The following KIF13A variants were observed in gnomAD, a reference collection of about 807,000 sequenced individuals.
KIF13A encodes the protein kinesin-like protein KIF13A.
Under a neutral mutation model 212.2 loss-of-function variants are expected in KIF13A, and 79 were observed. That is an observed-to-expected ratio of 0.37 (90% confidence interval 0.31 to 0.45). KIF13A has a LOEUF of 0.45. Among genes scored for constraint, KIF13A ranks in the 20% least tolerant of loss-of-function variants. The pLI is 1.00. For synonymous variants in KIF13A, 789 were observed against 808.6 expected (o/e 0.98, Z 0.41); for missense variants, 1,901 against 2,209.0 (o/e 0.86, Z 2.79).
At chr6:17,822,027 G>T in intron 16 of KIF13A, 3 of 984,714 alleles carry the variant, frequency 3.0e-6, no homozygotes, top group Non-Finnish European at 4.3e-6. Flanking sequence ...GGATGGGGTA[G>T]GGGGAAACAT....
At chr6:17,905,826 A>C (rs562023639) in intron 2 of KIF13A, among the ~76,000 whole-genome samples, 5 of 152,342 alleles carry the variant, frequency 3.3e-5, no homozygotes, top group African/African-American at 1.2e-4. Context: ...CAGTTAGACT[A>C]CAGTTAGCAG....
intron 3 of KIF13A, among the ~76,000 whole-genome samples, chr6:17,879,415 T>A (rs910229281): frequency 7.2e-5 from 11 of 152,316 alleles, no homozygotes; most frequent in African/African-American, 2.6e-4. Flanking sequence ...TAAGAACTAT[T>A]ATGAGTAAGC....
At chr6:17,932,780 G>T (rs1196762701) in intron 2 of KIF13A, among the ~76,000 whole-genome samples, 1 of 149,462 alleles carries the variant, frequency 6.7e-6, no homozygotes, top group East Asian at 2.0e-4. Flanking sequence ...TTGAAGCGAG[G>T]AGGAAGTCTG....
chr6:17,800,700 A>G (rs1173552284), intron 20 of KIF13A, among the ~76,000 whole-genome samples: 1 of 151,480 alleles, frequency 6.6e-6, no homozygotes, highest in African/African-American at 2.4e-5. Flanking sequence ...TCCTGGGTTC[A>G]AGCGGTTCTT....
At position 17,804,406 on chromosome 6, in the gene KIF13A, A is replaced by T; in HGVS notation, c.2409T>A (p.Asp803Glu). The change falls in exon 20 of 39, where the codon GAT becomes GAA. Residue 803 changes from aspartate to glutamate, a missense_variant. By Grantham distance (45) the Asp-to-Glu change is conservative. Around this residue, in one of 5 missense-constraint regions of KIF13A, gnomAD observed 534 missense variants for 536.9 expected, o/e 0.99. Transcript: ENST00000259711. ...ANVFLECLFCDVKLQYAVPII... is the reference protein window; with the variant it reads ...ANVFLECLFCEVKLQYAVPII... ...TAGGGACTGCATACTGAAGTTTCAC[A>T]TCACAGAAGAGGCATTCCAAGAATA... 1.3e-6 allele frequency: 2 copies of T among 1,556,394 alleles called. No individual in the cohort carries two copies. The highest frequency in any genetic ancestry group is 1.7e-6 in the Non-Finnish European group (2 of 1,149,236).
intron 2 of KIF13A, among the ~76,000 whole-genome samples, chr6:17,983,189 AG>A (rs1200669446): frequency 1.5e-3 from 232 of 151,080 alleles, no homozygotes; most frequent in Non-Finnish European, 1.9e-3. Context: ...AAAAAAAAAA[AG>A]AAAGCTACCA....
Position 17,810,999 on chromosome 6 carries a change from A to G in KIF13A, c.2001-2069T>C, listed in dbSNP as rs190103207. ...TCTGGGGATTGGGGACCCCTGTTCT[A>G]GACTACACGAAACAGTTCTTTTGCA... On this transcript the variant is annotated intron_variant, in intron 17 of 38. Coordinates refer to ENST00000259711, the MANE Select transcript of KIF13A (RefSeq NM_022113.6). Among the ~76,000 whole-genome samples, 7 of 152,320 alleles carry G rather than the reference A, an allele frequency of 4.6e-5. No homozygotes were observed. In the East Asian group the frequency reaches 1.3e-3, roughly 29 times the overall value.
chr6:17,822,026 AG>A lies in KIF13A; in HGVS notation c.1786+3741del, dbSNP rs1435264080. ...ACTGGAACTGGGTAAAGGATGGGGT[AG>A]GGGGAAACATAACTTCTTTTTTTTT... On this transcript the variant is annotated intron_variant, in intron 16 of 38. Transcript: ENST00000259711. The A allele has an allele frequency of 8.2e-5, 66 of 804,926 alleles. 1 individual carries two copies. The South Asian group carries it at 1.1e-3, about 13-fold the overall frequency. 49.9% of individuals were successfully genotyped at this position (804,926 alleles called of 1,614,324 possible).
chr6:17,936,005 G>GA (rs1466908152), intron 2 of KIF13A, among the ~76,000 whole-genome samples: 1 of 152,026 alleles, frequency 6.6e-6, no homozygotes, highest in East Asian at 1.9e-4. Context: ...CTGCTAATGA[G>GA]AAAAAAGCCC....
intron 2 of KIF13A, among the ~76,000 whole-genome samples, chr6:17,986,761 T>A (rs1561842042): frequency 6.6e-6 from 1 of 152,238 alleles, no homozygotes. Flanking sequence ...GCTGGACGAA[T>A]CACCTATGGG....
Position 17,913,652 on chromosome 6 carries a change from A to C in KIF13A, c.147-15472T>G, listed in dbSNP as rs976846064. On this transcript the variant is annotated intron_variant, in intron 2 of 38. Transcript: ENST00000259711. ...TGCATAAGGAGGGGATGGTGAACTC[A>C]GCTGAGCCCTGGAAGTTGCAGGGTG... Among the ~76,000 whole-genome samples, 4 of 152,168 alleles carry C rather than the reference A, an allele frequency of 2.6e-5. No homozygotes were observed. In the South Asian group the frequency reaches 8.3e-4, roughly 31 times the overall value.
chr6:17,965,909 T>C (rs1461918754), intron 2 of KIF13A, among the ~76,000 whole-genome samples: 2 of 152,154 alleles, frequency 1.3e-5, no homozygotes, highest in Admixed American at 1.3e-4. Context: ...GGCGTGGTGG[T>C]TCACGCCTGT....
chr6:17,799,503 C>T lies in KIF13A; in HGVS notation c.2617-64G>A, dbSNP rs1221922257. On this transcript the variant is annotated intron_variant, in intron 21 of 38. Transcript: ENST00000259711. The surrounding 1 kb of genome is among the most constrained non-coding windows in gnomAD (Gnocchi z 4.4). ...ACTAAACATTCTTTCATTTCAGCTA[C>T]CTCAAATTTAAGAGTAAGCGATGAA... 1.4e-5 allele frequency: 19 copies of T among 1,319,616 alleles called. No homozygotes were observed. Among genetic ancestry groups the T allele is most frequent in the Non-Finnish European group, 1.8e-5 (18 of 982,284 alleles). 81.7% of individuals were successfully genotyped at this position (1,319,616 alleles called of 1,614,324 possible).
intron 2 of KIF13A, among the ~76,000 whole-genome samples, chr6:17,962,573 A>G (rs1161018455): frequency 6.6e-6 from 1 of 152,078 alleles, no homozygotes; most frequent in Non-Finnish European, 1.5e-5. Context: ...GGCAGGACAC[A>G]ACCATCTGTA....
chr6:17,763,905 C>T lies in KIF13A; in HGVS notation c.*205G>A. On this transcript the variant is annotated 3_prime_UTR_variant, in exon 39 of 39. Coordinates refer to ENST00000259711, the MANE Select transcript of KIF13A (RefSeq NM_022113.6). ...CTTCATTCAACACCAACCCATGTGCCAGGTAAAAAAATCCACTGGTCTTAT... is the reference window on the plus strand; with the variant it reads ...CTTCATTCAACACCAACCCATGTGCTAGGTAAAAAAATCCACTGGTCTTAT... 1 of 1,419,034 alleles carries T rather than the reference C, an allele frequency of 7.0e-7. No homozygotes were observed. The highest frequency in any genetic ancestry group is 1.6e-5 in the South Asian group (1 of 64,368). 87.9% of individuals were successfully genotyped at this position (1,419,034 alleles called of 1,614,324 possible).
chr6:17,841,529 C>T (rs986008871), intron 9 of KIF13A, among the ~76,000 whole-genome samples: 3 of 152,128 alleles, frequency 2.0e-5, no homozygotes, highest in Non-Finnish European at 4.4e-5. Flanking sequence ...TTTTTCTCCC[C>T]TACATCAGTA....
rs1581916614 is a variant in KIF13A at position 17,785,910 on chromosome 6, C to G, written c.3362-269G>C. ...AAAGCCTGGGCAACAGACAAGAGAC[C>G]CTGTCTCAAAAAACAAGCAAACAAA... On this transcript the variant is annotated intron_variant, in intron 27 of 38. Coordinates refer to ENST00000259711, the MANE Select transcript of KIF13A (RefSeq NM_022113.6). The surrounding 1 kb of genome is among the most constrained non-coding windows in gnomAD (Gnocchi z 5.8). 6.6e-6 allele frequency among the ~76,000 whole-genome samples: 1 copy of G among 152,032 alleles called. No individual in the cohort carries two copies. Among genetic ancestry groups the G allele is most frequent in the Non-Finnish European group, 1.5e-5 (1 of 68,014 alleles).
chr6:17,859,448 T>TA (rs149206572), intron 4 of KIF13A, among the ~76,000 whole-genome samples: 2,518 of 140,042 alleles, frequency 0.018, 28 homozygotes, highest in African/African-American at 0.036. Flanking sequence ...ACAAAAAATG[T>TA]AAAAAAAAAA....
rs183017546 is a variant in KIF13A at position 17,899,554 on chromosome 6, C to A, written c.147-1374G>T. On this transcript the variant is annotated intron_variant, in intron 2 of 38. Transcript: ENST00000259711. This position sits in a 1 kb window ranked among gnomAD's most constrained non-coding sequence, Gnocchi z 5.2. Reference sequence around the variant, plus strand: ...ATGTCCAATCACATGCATAATTCTACGCTTTCGAGTGCAGGGAAGAAAAAT... The same window carrying A: ...ATGTCCAATCACATGCATAATTCTAAGCTTTCGAGTGCAGGGAAGAAAAAT... Among the ~76,000 whole-genome samples the A allele has an allele frequency of 6.6e-6, 1 of 152,156 alleles. No homozygotes were observed.
Sources: gnomAD v4.1 joint callset for allele counts (sites outside exome capture counted in the v4.1 genomes callset) on GRCh38, gnomAD v4.1.1 for gene constraint, gnomAD v4.1.1 regional missense constraint, Gnocchi (gnomAD v3.1) non-coding constraint, MANE v1.5 for transcripts, NCBI Gene and HGNC (gene_info 2026-07-23, HGNC 2026-07-21) for gene names.